Variants in DNASE1L3 observed in about 807,000 individuals in gnomAD.
The protein encoded by DNASE1L3 is deoxyribonuclease 1L3.
A neutral mutation model predicts 30.9 loss-of-function variants in DNASE1L3; 27 were observed. The observed-to-expected ratio is 0.87, with a 90% confidence interval of 0.64 to 1.20. The LOEUF is 1.20. DNASE1L3 is among the 50% of genes most tolerant of loss of function. The pLI, the probability that DNASE1L3 is intolerant of heterozygous loss-of-function variation, is 0.00. For missense variants in DNASE1L3, 364 were observed against 378.2 expected (o/e 0.96, Z 0.31); for synonymous variants, 135 against 138.0 (o/e 0.98, Z 0.15).
chr3:58,193,204 G>A, intron 7 of DNASE1L3, 139 bp downstream of exon 7: 2 of 1,431,954 alleles, frequency 1.4e-6, no homozygotes, highest in South Asian at 1.3e-5. Context: ...AGCCTCCCAA[G>A]TAGCTGGGAC....
rs1050943614 is a variant in DNASE1L3 at position 58,210,684 on chromosome 3, T to G, written c.141+82A>C. The G allele has an allele frequency of 1.3e-5, 21 of 1,591,940 alleles. No individual in the cohort carries two copies. The African/African-American group carries it at 2.8e-4, about 21-fold the overall frequency. ...ATTCCCCCTAAGGGCCAACTTTAAG[T>G]TCCTTGAGTCTCTTAAAGTCTGCAG... On this transcript the variant is annotated intron_variant, in intron 1 of 7. Transcript: ENST00000394549.
rs2097407335 is a variant in DNASE1L3 at position 58,210,864 on chromosome 3, T to C, written c.43A>G (p.Ile15Val). 6.2e-7 allele frequency: 1 copy of C among 1,613,890 alleles called. No homozygotes were observed. The highest frequency in any genetic ancestry group is 8.5e-7 in the Non-Finnish European group (1 of 1,180,002). The change falls in exon 1 of 8, where the codon ATC becomes GTC. Residue 15 changes from isoleucine (I) to valine (V), a missense_variant. Physicochemically the swap from Ile to Val is conservative, Grantham distance 29. Transcript: ENST00000394549. Reference protein sequence around the residue: ...LAPLLLLLLSIHSALAMRICS... With the variant: ...LAPLLLLLLSVHSALAMRICS... ...ATCCTCATGGCCAGGGCGCTGTGGATGGAGAGGAGGAGAAGCAGCAGTGGG... is the reference window on the plus strand; with the variant it reads ...ATCCTCATGGCCAGGGCGCTGTGGACGGAGAGGAGGAGAAGCAGCAGTGGG...
In DNASE1L3 at chr3:58,210,898, C is replaced by T; in HGVS notation, c.9G>A (p.Arg3=). ...GGAGAAGCAGCAGTGGGGCCAGCTCCCGTGACATCCTGGCGCTGCTCTGGC... is the reference window on the plus strand; with the variant it reads ...GGAGAAGCAGCAGTGGGGCCAGCTCTCGTGACATCCTGGCGCTGCTCTGGC... MS[R]ELAPLLLLLL... Residue 3 remains arginine, a synonymous_variant, in exon 1 of 8, where the codon CGG becomes CGA. Coordinates refer to ENST00000394549, the MANE Select transcript of DNASE1L3 (RefSeq NM_004944.4). 1.2e-6 allele frequency: 2 copies of T among 1,613,824 alleles called. No homozygotes were observed. The highest frequency in any genetic ancestry group is 1.7e-6 in the Non-Finnish European group (2 of 1,179,994).
At chr3:58,202,867 G>T (rs890706297) in intron 4 of DNASE1L3, among the ~76,000 whole-genome samples, 17 of 150,140 alleles carry the variant, frequency 1.1e-4, no homozygotes, top group Non-Finnish European at 2.2e-4. Flanking sequence ...AAAAAAAAAT[G>T]AGGCTTGTCA....
chr3:58,208,217 C>G lies in DNASE1L3; in HGVS notation c.230+1G>C. 3 of 1,613,910 alleles carry G rather than the reference C, an allele frequency of 1.9e-6. No individual in the cohort carries two copies. Among genetic ancestry groups the G allele is most frequent in the Non-Finnish European group, 2.5e-6 (3 of 1,179,812 alleles). On this transcript the variant is annotated splice_donor_variant, in intron 2 of 7. Coordinates refer to ENST00000394549, the MANE Select transcript of DNASE1L3 (RefSeq NM_004944.4). LOFTEE classifies it high-confidence loss of function. ...AGAGGGCCCACCCTTCCCCATGTTA[C>G]CTGTTCAGCTTCTCCATCAGTATGG...
rs28709490 is a variant in DNASE1L3 at position 58,207,456 on chromosome 3, A to G, written c.230+762T>C. Among the ~76,000 whole-genome samples the G allele has an allele frequency of 3.0e-4, 12 of 39,694 alleles. 1 individual carries two copies. In the East Asian group the frequency reaches 0.033, roughly 108 times the overall value. 26.0% of individuals were successfully genotyped at this position (39,694 alleles called of 152,430 possible). A position where few individuals can be genotyped will look rare whatever the true frequency, so the allele number is the denominator to read the frequency against. ...CTCTGATCACACCCCCCCCCCCCCC[A>G]CCAGAAGTAACCACTATTAATAGTT... On this transcript the variant is annotated intron_variant, in intron 2 of 7. Transcript: ENST00000394549.
intron 6 of DNASE1L3, among the ~76,000 whole-genome samples, chr3:58,194,006 T>A (rs1040885407): frequency 6.6e-6 from 1 of 152,252 alleles, no homozygotes; most frequent in African/African-American, 2.4e-5. Flanking sequence ...GCTAGTATCA[T>A]GAAATTTCTT....
Position 58,193,415 on chromosome 3 carries a change from G to T in DNASE1L3, c.729C>A (p.Ile243=), listed in dbSNP as rs76440799. 12 of 1,613,706 alleles carry T rather than the reference G, an allele frequency of 7.4e-6. No individual in the cohort carries two copies. In the East Asian group the frequency reaches 1.1e-4, roughly 15 times the overall value. Residue 243 remains isoleucine (I), a synonymous_variant, in exon 7 of 8, where the codon ATC becomes ATA. Coordinates refer to ENST00000394549, the MANE Select transcript of DNASE1L3 (RefSeq NM_004944.4). ...YDRIVLRGQE[I]VSSVVPKSNS... is the part of the protein sequence containing the mutation. ...TTGACTTGGGAACAACAGAACTGAC[G>T]ATTTCTTGTCCTCTAAGCACAATCC... is the stretch of plus-strand genomic sequence containing the variant.
intron 6 of DNASE1L3, among the ~76,000 whole-genome samples, chr3:58,195,819 A>G (rs1049377104): frequency 6.6e-6 from 1 of 152,104 alleles, no homozygotes; most frequent in Non-Finnish European, 1.5e-5. Context: ...CAAGAGTTAT[A>G]CATGTTGTTA....
intron 4 of DNASE1L3, among the ~76,000 whole-genome samples, chr3:58,204,078 G>A (rs36104571): frequency 6.6e-6 from 1 of 151,806 alleles, no homozygotes; most frequent in Non-Finnish European, 1.5e-5. Flanking sequence ...AGGAGTCTGC[G>A]ATGCAGTGAC....
Position 58,192,712 on chromosome 3 carries a change from T to C in DNASE1L3, c.893A>G (p.Lys298Arg). ...TNSKKSVTLR[K>R]KTKSKRS is the part of the protein sequence containing the mutation. ...CTAGGAGCGTTTGCTCTTTGTTTTC[T>C]TCCTTAGAGTGACAGATTTTTTGCT... is the stretch of plus-strand genomic sequence containing the variant. Residue 298 changes from lysine (K) to arginine (R), a missense_variant, in exon 8 of 8, where the codon AAG (lysine) becomes AGG (arginine). By Grantham distance (26) the Lys-to-Arg change is conservative. Coordinates refer to ENST00000394549, the MANE Select transcript of DNASE1L3 (RefSeq NM_004944.4). The surrounding 1 kb of genome is among the most constrained non-coding windows in gnomAD (Gnocchi z 4.8). 6.2e-7 allele frequency: 1 copy of C among 1,614,114 alleles called. No homozygotes were observed.
chr3:58,200,939 T>C lies in DNASE1L3; in HGVS notation c.546+58A>G. On this transcript the variant is annotated intron_variant, in intron 5 of 7. Transcript: ENST00000394549. The surrounding 1 kb of genome is among the most constrained non-coding windows in gnomAD (Gnocchi z 4.2). ...CTCCCTGGAGAGGTACTCATCCCACTCAGGGACCAGAGCCTGCCCCTGCTA... is the reference window on the plus strand; with the variant it reads ...CTCCCTGGAGAGGTACTCATCCCACCCAGGGACCAGAGCCTGCCCCTGCTA... The C allele has an allele frequency of 6.9e-7, 1 of 1,440,572 alleles. No individual in the cohort carries two copies. Among genetic ancestry groups the C allele is most frequent in the Non-Finnish European group, 9.7e-7 (1 of 1,034,502 alleles). 89.2% of individuals were successfully genotyped at this position (1,440,572 alleles called of 1,614,324 possible).
Position 58,197,995 on chromosome 3 carries a change from G to A in DNASE1L3, c.547-17C>T. On this transcript the variant is annotated splice_polypyrimidine_tract_variant and intron_variant, in intron 5 of 7. Transcript: ENST00000394549. The surrounding 1 kb of genome is among the most constrained non-coding windows in gnomAD (Gnocchi z 5.3). ...AATGAAATTCTAAAAGACAAGATTT[G>A]GAACTGTCACCTGGTGGGTGCTGCT... 1 of 1,595,464 alleles carries A rather than the reference G, an allele frequency of 6.3e-7. No individual in the cohort carries two copies.
chr3:58,198,375 C>T (rs891232479), intron 5 of DNASE1L3, among the ~76,000 whole-genome samples: 1 of 152,190 alleles, frequency 6.6e-6, no homozygotes, highest in Admixed American at 6.5e-5. Flanking sequence ...AGACACCAGC[C>T]CTGCTGGCAC....
Position 58,201,062 on chromosome 3 carries a change from A to T in DNASE1L3, c.481T>A (p.Ser161Thr). ...IIPLHTTPET[S>T]VKEIDELVEV... The stretch of plus-strand genomic sequence containing the variant: ...ACCAACTCATCGATCTCCTTAACGG[A>T]TGTCTCTGGGGTGGTGTGCAGGGGG... The change falls in exon 5 of 8, where the codon TCC becomes ACC. Residue 161 changes from serine to threonine, a missense_variant. Physicochemically the swap from Ser to Thr is moderately conservative, Grantham distance 58. Coordinates refer to ENST00000394549, the MANE Select transcript of DNASE1L3 (RefSeq NM_004944.4). The T allele has an allele frequency of 6.2e-7, 1 of 1,613,388 alleles. No homozygotes were observed. Among genetic ancestry groups the T allele is most frequent in the Non-Finnish European group, 8.5e-7 (1 of 1,179,604 alleles).
At position 58,192,826 on chromosome 3, in the gene DNASE1L3, G is replaced by C; in HGVS notation, c.802-23C>G. 1.9e-6 allele frequency: 3 copies of C among 1,605,498 alleles called. No homozygotes were observed. The South Asian group carries it at 3.4e-5, about 18-fold the overall frequency. ...GGCCTATAAGGAGAAAGGGGAGGTA[G>C]ACATGGAAATTAGGAGATGCCTGGG... On this transcript the variant is annotated intron_variant, in intron 7 of 7. Transcript: ENST00000394549. The surrounding 1 kb of genome is among the most constrained non-coding windows in gnomAD (Gnocchi z 4.8).
At chr3:58,210,402 T>G (rs1417178906) in intron 1 of DNASE1L3, among the ~76,000 whole-genome samples, 12 of 152,214 alleles carry the variant, frequency 7.9e-5, no homozygotes, top group Non-Finnish European at 1.2e-4. Context: ...TAGTCCCTCT[T>G]CATAAAGATT....
chr3:58,192,929 A>G lies in DNASE1L3; in HGVS notation c.802-126T>C. On this transcript the variant is annotated intron_variant, in intron 7 of 7. Transcript: ENST00000394549. This position sits in a 1 kb window ranked among gnomAD's most constrained non-coding sequence, Gnocchi z 4.8. ...AATGCCCGAAGTCACCCCACAGAAC[A>G]CTTACTGGTAAGCGTCATTCCAAGA... 6.8e-7 allele frequency: 1 copy of G among 1,479,950 alleles called. No homozygotes were observed. The highest frequency in any genetic ancestry group is 8.9e-7 in the Non-Finnish European group (1 of 1,122,866). The allele number at this position is 1,479,950 out of a possible 1,614,324, so 91.7% of individuals were successfully genotyped here. A position where few individuals can be genotyped will look rare whatever the true frequency, so the allele number is the denominator to read the frequency against.
intron 5 of DNASE1L3, among the ~76,000 whole-genome samples, chr3:58,199,399 G>C (rs769377435): frequency 6.6e-6 from 1 of 152,184 alleles, no homozygotes; most frequent in Non-Finnish European, 1.5e-5. Flanking sequence ...GCCAGGCGCC[G>C]TGGCTCACGC....
Sources: allele counts gnomAD v4.1 joint callset (sites outside exome capture counted in the v4.1 genomes callset), GRCh38; gene constraint gnomAD v4.1.1; non-coding constraint Gnocchi (gnomAD v3.1); transcripts MANE v1.5; gene names NCBI Gene and HGNC (gene_info 2026-07-23, HGNC 2026-07-21).